Variants in GAB2 observed in about 807,000 individuals in gnomAD.
The protein encoded by GAB2 is GRB2-associated-binding protein 2.
In GAB2, 26 loss-of-function variants were observed where a neutral mutation model predicts 65.5. The ratio of observed to expected loss-of-function variants is 0.40; its 90% confidence interval spans 0.29 to 0.55. The LOEUF (loss-of-function observed/expected upper bound fraction) is 0.55, where lower values mean the gene tolerates loss of function less well. Among genes scored for constraint, GAB2 ranks in the 20% least tolerant of loss-of-function variants. GAB2 has a pLI of 0.53. For missense variants in GAB2, 884 were observed against 875.8 expected (o/e 1.01, Z -0.12); for synonymous variants, 321 against 329.6 (o/e 0.97, Z 0.28).
intron 1 of GAB2, among the ~76,000 whole-genome samples, chr11:78,358,435 AAAATAT>A (rs1426577620): frequency 7.8e-6 from 1 of 128,636 alleles, no homozygotes; most frequent in Non-Finnish European, 1.6e-5. Flanking sequence ...CCTAGAACTT[AAAATAT>A]AATAATAATA....
At chr11:78,343,260 TGATGA>T (rs1218037553) in intron 1 of GAB2, among the ~76,000 whole-genome samples, 2 of 152,148 alleles carry the variant, frequency 1.3e-5, no homozygotes, top group Admixed American at 1.3e-4. Flanking sequence ...TTAAAAATAG[TGATGA>T]GATGAGTAAA....
At chr11:78,243,323 C>T (rs1007044239) in intron 3 of GAB2, among the ~76,000 whole-genome samples, 2 of 151,804 alleles carry the variant, frequency 1.3e-5, no homozygotes, top group African/African-American at 4.8e-5. Context: ...GAAAAATTAG[C>T]CAGGAGTGGT....
In GAB2 at chr11:78,265,203, C is replaced by CATATATATATATATAT. The variant is rs10530509; in HGVS notation, c.377-14819_377-14804dup. 7.4e-3 allele frequency among the ~76,000 whole-genome samples: 1,067 copies of CATATATATATATATAT among 144,812 alleles called. 11 individuals carry two copies. Among genetic ancestry groups the CATATATATATATATAT allele is most frequent in the Middle Eastern group, 0.022 (6 of 278 alleles). ...TGTAATAAACGGGCCTTCTATACCACATATATATATATATATATATAAAAG... is the reference window on the plus strand; with the variant it reads ...TGTAATAAACGGGCCTTCTATACCACATATATATATATATATATATATATATATATATATATAAAAG... On this transcript the variant is annotated intron_variant, in intron 2 of 9. Coordinates refer to ENST00000361507, the MANE Select transcript of GAB2 (RefSeq NM_080491.3).
intron 1 of GAB2, among the ~76,000 whole-genome samples, chr11:78,357,399 C>A (rs935097918): frequency 1.3e-5 from 2 of 151,966 alleles, no homozygotes; most frequent in Non-Finnish European, 2.9e-5. Context: ...GCAACAAAAG[C>A]CAAAATTGAC....
chr11:78,216,396 G>C lies in GAB2; in HGVS notation c.*2876C>G, dbSNP rs1313465232. 1 of 152,218 alleles carries C rather than the reference G, an allele frequency of 6.6e-6. No individual in the cohort carries two copies. The highest frequency in any genetic ancestry group is 1.5e-5 in the Non-Finnish European group (1 of 68,040). The allele number at this position is 152,218 out of a possible 1,614,324, so 9.4% of individuals were successfully genotyped here. A position where few individuals can be genotyped will look rare whatever the true frequency, so the allele number is the denominator to read the frequency against. ...GACCCATGGATAGGCCAAAGGACCA[G>C]TTTTTTCAACTGAGTTGACTCCTTT... On this transcript the variant is annotated 3_prime_UTR_variant, in exon 10 of 10. Coordinates refer to ENST00000361507, the MANE Select transcript of GAB2 (RefSeq NM_080491.3).
chr11:78,224,492 G>A (rs1478593999), intron 5 of GAB2, among the ~76,000 whole-genome samples: 1 of 152,190 alleles, frequency 6.6e-6, no homozygotes, highest in Non-Finnish European at 1.5e-5. Flanking sequence ...TGCAGTCAGA[G>A]CTTCTACAGA....
At chr11:78,390,362 G>C (rs1856819259) in intron 1 of GAB2, among the ~76,000 whole-genome samples, 1 of 152,174 alleles carries the variant, frequency 6.6e-6, no homozygotes, top group Admixed American at 6.6e-5. Flanking sequence ...AAGGCAGGAG[G>C]ATCACTTGAG....
intron 1 of GAB2, among the ~76,000 whole-genome samples, chr11:78,356,847 C>A (rs1484981548): frequency 1.3e-5 from 2 of 152,118 alleles, no homozygotes; most frequent in Non-Finnish European, 2.9e-5. Context: ...TGAAATGTTA[C>A]AATATGGATG....
intron 3 of GAB2, among the ~76,000 whole-genome samples, chr11:78,246,111 T>C (rs1266126976): frequency 6.6e-6 from 1 of 152,030 alleles, no homozygotes; most frequent in Non-Finnish European, 1.5e-5. Flanking sequence ...TTTGTATTTT[T>C]AGTAGAGACG....
In GAB2 at chr11:78,366,707, T is replaced by A. The variant is rs538677686; in HGVS notation, c.75+50939A>T. Among the ~76,000 whole-genome samples the A allele has an allele frequency of 1.1e-4, 16 of 148,300 alleles. No homozygotes were observed. The South Asian group carries it at 2.8e-3, about 25-fold the overall frequency. On this transcript the variant is annotated intron_variant, in intron 1 of 9. Coordinates refer to ENST00000361507, the MANE Select transcript of GAB2 (RefSeq NM_080491.3). ...GTTAAGGATTATCAAAAACCTTCTA[T>A]ATTCACTATATTTTCTCCAAGCCCT...
intron 1 of GAB2, among the ~76,000 whole-genome samples, chr11:78,366,401 G>A (rs1400448269): frequency 1.3e-5 from 2 of 151,854 alleles, no homozygotes; most frequent in African/African-American, 2.4e-5. Flanking sequence ...CCAACATGGC[G>A]AAATTAGATT....
chr11:78,263,020 A>C (rs1803267833), intron 2 of GAB2, among the ~76,000 whole-genome samples: 1 of 152,240 alleles, frequency 6.6e-6, no homozygotes, highest in South Asian at 2.1e-4. Context: ...CAAAGCCTAA[A>C]GTATTTACTA....
intron 1 of GAB2, among the ~76,000 whole-genome samples, chr11:78,360,039 G>A (rs573085876): frequency 1.3e-5 from 2 of 152,316 alleles, no homozygotes; most frequent in South Asian, 4.1e-4. Flanking sequence ...CAGAGGGACA[G>A]AAGAGAGAGG....
chr11:78,312,738 A>G (rs1244053791), intron 1 of GAB2, among the ~76,000 whole-genome samples: 1 of 152,128 alleles, frequency 6.6e-6, no homozygotes, highest in Non-Finnish European at 1.5e-5. Flanking sequence ...CTATTATCCA[A>G]TTTTAAAGAT....
intron 1 of GAB2, among the ~76,000 whole-genome samples, chr11:78,346,706 TATATATATATATATA>T (rs1317107804): frequency 3.1e-5 from 3 of 96,662 alleles, no homozygotes; most frequent in South Asian, 3.2e-4. Flanking sequence ...TATATATATA[TATATATATATATATA>T]ATTTTTTTTT....
rs569392899 is a variant in GAB2, at chr11:78,272,537, T to C, written c.376+8064A>G. 2.6e-5 allele frequency among the ~76,000 whole-genome samples: 4 copies of C among 152,236 alleles called. No homozygotes were observed. In the South Asian group the frequency reaches 8.3e-4, roughly 32 times the overall value. On this transcript the variant is annotated intron_variant, in intron 2 of 9. Transcript: ENST00000361507. ...GATTCAGGGCATCTGGGGGAAGAAA[T>C]TTCTAAGAAGCAAAGCATTTAAGAG...
intron 1 of GAB2, among the ~76,000 whole-genome samples, chr11:78,389,075 C>T (rs994967866): frequency 6.6e-6 from 1 of 152,140 alleles, no homozygotes; most frequent in African/African-American, 2.4e-5. Context: ...TAGCACAAGA[C>T]CTAGTCTTTG....
Position 78,366,663 on chromosome 11 carries a change from C to G in GAB2, c.75+50983G>C, listed in dbSNP as rs372866086. 7.8e-4 allele frequency among the ~76,000 whole-genome samples: 116 copies of G among 148,588 alleles called. No individual in the cohort carries two copies. In the South Asian group the frequency reaches 0.024, roughly 30 times the overall value. ...AGTGAGGATGGGGGGTTAATTTACC[C>G]TGCTACCAAAGAGCAGGGGTTAAGG... On this transcript the variant is annotated intron_variant, in intron 1 of 9. Coordinates refer to ENST00000361507, the MANE Select transcript of GAB2 (RefSeq NM_080491.3).
At chr11:78,359,581 GA>G (rs751215907) in intron 1 of GAB2, among the ~76,000 whole-genome samples, 1 of 152,066 alleles carries the variant, frequency 6.6e-6, no homozygotes, top group Non-Finnish European at 1.5e-5. Context: ...ACTTTAGGAA[GA>G]AAAATAATCC....
Sources: allele counts gnomAD v4.1 joint callset (sites outside exome capture counted in the v4.1 genomes callset), GRCh38; gene constraint gnomAD v4.1.1; transcripts MANE v1.5; gene names NCBI Gene and HGNC (gene_info 2026-07-23, HGNC 2026-07-21).